The following MCM9 variants were observed in gnomAD, a reference collection of about 807,000 sequenced individuals.
The protein encoded by MCM9 is minichromosome maintenance 9 homologous recombination repair factor.
In MCM9, 55 loss-of-function variants were observed where a neutral mutation model predicts 72.8. That is an observed-to-expected ratio of 0.76 (90% CI 0.61 to 0.95). The LOEUF is 0.95. Ranked by LOEUF, MCM9 falls within the 40% of genes least tolerant of loss-of-function variation. The pLI is 0.00. For synonymous variants in MCM9, 480 were observed against 503.4 expected (o/e 0.95, Z 0.62); for missense variants, 1,279 against 1,377.0 (o/e 0.93, Z 1.13).
At chr6:118,925,345 T>G (rs1211873376) in intron 3 of MCM9, among the ~76,000 whole-genome samples, 3 of 152,192 alleles carry the variant, frequency 2.0e-5, no homozygotes, top group African/African-American at 7.2e-5. Flanking sequence ...GTCCAGCCCA[T>G]GAGAAATGCC....
At chr6:118,932,341 G>A (rs1243873238) in intron 2 of MCM9, among the ~76,000 whole-genome samples, 1 of 152,078 alleles carries the variant, frequency 6.6e-6, no homozygotes, top group East Asian at 1.9e-4. Context: ...TTCTCAGACT[G>A]TATCCCCATC....
At chr6:118,913,218 T>C in intron 7 of MCM9, 77 bp downstream of exon 7, 3 of 1,541,298 alleles carry the variant, frequency 1.9e-6, no homozygotes, top group African/African-American at 1.4e-5. Context: ...CAACGAGCAG[T>C]TTTTATTTGG....
At chr6:118,828,676 C>T (rs1327928815) in intron 10 of MCM9, among the ~76,000 whole-genome samples, 5 of 152,186 alleles carry the variant, frequency 3.3e-5, no homozygotes, top group East Asian at 1.9e-4. Context: ...TGAGCCACCA[C>T]GCCCGGCCTG....
At chr6:118,913,263 A>G (rs1040697765) in intron 7 of MCM9, 32 bp downstream of exon 7, 36 of 1,610,338 alleles carry the variant, frequency 2.2e-5, no homozygotes, top group Non-Finnish European at 3.1e-5. Context: ...CCATGTGTCA[A>G]TATTACTCAA....
rs144021194 is a variant in MCM9, at chr6:118,839,699, C to T, written c.1326-10449G>A. On this transcript the variant is annotated intron_variant, in intron 9 of 13. Transcript: ENST00000619706. Reference sequence around the variant, plus strand: ...GGCCCCTCTGCTGCAGGTCTGCTGGCGTTTGCTGGAGGTCCACTCCAGACC... The same window carrying T: ...GGCCCCTCTGCTGCAGGTCTGCTGGTGTTTGCTGGAGGTCCACTCCAGACC... Among the ~76,000 whole-genome samples, 1,450 of 152,260 alleles carry T rather than the reference C, an allele frequency of 9.5e-3. 14 individuals carry two copies. The highest frequency in any genetic ancestry group is 0.032 in the African/African-American group (1,316 of 41,546).
chr6:118,853,808 T>C (rs1776383761), intron 9 of MCM9, among the ~76,000 whole-genome samples: 1 of 151,562 alleles, frequency 6.6e-6, no homozygotes, highest in African/African-American at 2.4e-5. Context: ...CAAAAACAAA[T>C]TTTTTTTTAA....
intron 9 of MCM9, among the ~76,000 whole-genome samples, chr6:118,836,111 G>C (rs1774939017): frequency 6.6e-6 from 1 of 152,136 alleles, no homozygotes; most frequent in Admixed American, 6.6e-5. Flanking sequence ...ATAATCAAGT[G>C]GTTTTTGTCA....
chr6:118,856,150 A>G (rs943186502), intron 9 of MCM9, among the ~76,000 whole-genome samples: 2 of 152,158 alleles, frequency 1.3e-5, no homozygotes, highest in Non-Finnish European at 2.9e-5. Flanking sequence ...AACCACATTT[A>G]TACTTTACTT....
At chr6:118,873,018 A>T (rs1394524298) in intron 8 of MCM9, among the ~76,000 whole-genome samples, 2 of 151,722 alleles carry the variant, frequency 1.3e-5, no homozygotes, top group African/African-American at 4.8e-5. Flanking sequence ...AAATTATTTT[A>T]AAAATTAGTC....
chr6:118,853,763 T>C (rs559108089), intron 9 of MCM9, among the ~76,000 whole-genome samples: 1 of 152,282 alleles, frequency 6.6e-6, no homozygotes, highest in Admixed American at 6.5e-5. Context: ...CGGGCCTCTG[T>C]ACTCTAACTT....
chr6:118,907,946 CCAGA>C, intron 8 of MCM9: 1 of 185,832 alleles, frequency 5.4e-6, no homozygotes, highest in Non-Finnish European at 1.1e-5. Flanking sequence ...TCTTGGCCTC[CCAGA>C]CAGTCTTTGG....
At chr6:118,930,180 G>C (rs141311693) in intron 3 of MCM9, among the ~76,000 whole-genome samples, 5 of 151,818 alleles carry the variant, frequency 3.3e-5, no homozygotes, top group South Asian at 2.1e-4. Flanking sequence ...GCGCGATCTC[G>C]GCTCACTGCA....
rs1487353334 is a variant in MCM9 at position 118,829,151 on chromosome 6, G to A, written c.1425C>T (p.Leu475=). 25 of 1,550,554 alleles carry A rather than the reference G, an allele frequency of 1.6e-5. No homozygotes were observed. Among genetic ancestry groups the A allele is most frequent in the South Asian group, 2.4e-5 (2 of 84,056 alleles). ...PQESVSVNIA[L]GSPLLSRFDL... Reference sequence around the variant, plus strand: ...CAAATCGACTTAAGAGTGGGCTGCCGAGGGCAATGTTCACAGACACGGACT... The same window carrying A: ...CAAATCGACTTAAGAGTGGGCTGCCAAGGGCAATGTTCACAGACACGGACT... The change falls in exon 10 of 14, where the codon CTC becomes CTT. Residue 475 remains leucine (L), a synonymous_variant. Coordinates refer to ENST00000619706, the MANE Select transcript of MCM9 (RefSeq NM_017696.3).
At chr6:118,897,960 T>G (rs1779546818) in intron 8 of MCM9, among the ~76,000 whole-genome samples, 2 of 152,246 alleles carry the variant, frequency 1.3e-5, no homozygotes, top group South Asian at 4.1e-4. Context: ...CAGCCTGTTC[T>G]TGTTAAGGCT....
chr6:118,927,598 T>A (rs1225019954), intron 3 of MCM9, among the ~76,000 whole-genome samples: 1 of 151,008 alleles, frequency 6.6e-6, no homozygotes. Context: ...AGAGCAAAAC[T>A]CTTGTCTCAA....
At chr6:118,914,306 C>T (rs1780769203) in intron 6 of MCM9, among the ~76,000 whole-genome samples, 1 of 152,124 alleles carries the variant, frequency 6.6e-6, no homozygotes, top group Admixed American at 6.5e-5. Context: ...TGAGAATCTG[C>T]CTATCTCTTC....
intron 8 of MCM9, among the ~76,000 whole-genome samples, chr6:118,903,792 G>A (rs1779978010): frequency 6.6e-6 from 1 of 152,124 alleles, no homozygotes; most frequent in South Asian, 2.1e-4. Context: ...TCGCCATGTG[G>A]CCCAGGATAA....
At chr6:118,847,859 T>G (rs1009589931) in intron 9 of MCM9, among the ~76,000 whole-genome samples, 1 of 151,820 alleles carries the variant, frequency 6.6e-6, no homozygotes, top group Non-Finnish European at 1.5e-5. Flanking sequence ...TTAGAGCAAG[T>G]GATATCAGAA....
chr6:118,883,363 AT>A lies in MCM9; in HGVS notation c.1151-26819del, dbSNP rs532915603. Reference sequence around the variant, plus strand: ...ATGTTGTACACCTTTAATCAGAATAATATATATATATTGGGAGTACCAGAAG... The same window carrying A: ...ATGTTGTACACCTTTAATCAGAATAAATATATATATTGGGAGTACCAGAAG... On this transcript the variant is annotated intron_variant, in intron 8 of 13. Transcript: ENST00000619706. 2.0e-5 allele frequency among the ~76,000 whole-genome samples: 3 copies of A among 151,722 alleles called. No homozygotes were observed. In the East Asian group the frequency reaches 5.8e-4, roughly 29 times the overall value.
Sources: gnomAD v4.1 joint callset for allele counts (sites outside exome capture counted in the v4.1 genomes callset) on GRCh38, gnomAD v4.1.1 for gene constraint, MANE v1.5 for transcripts, NCBI Gene and HGNC (gene_info 2026-07-23, HGNC 2026-07-21) for gene names.